Variants in SEMA6A observed in about 807,000 individuals in gnomAD.
SEMA6A encodes semaphorin-6A.
A neutral mutation model predicts 96.8 loss-of-function variants in SEMA6A; 25 were observed. The observed-to-expected ratio is 0.26, with a 90% CI of 0.19 to 0.36. The LOEUF is 0.36. SEMA6A is among the 10% of genes least tolerant of loss of function. The pLI is 1.00. For missense variants in SEMA6A, 1,363 were observed against 1,323.1 expected (o/e 1.03, Z -0.47); for synonymous variants, 612 against 518.0 (o/e 1.18, Z -2.46).
intron 6 of SEMA6A, among the ~76,000 whole-genome samples, chr5:116,492,742 G>GA (rs938874270): frequency 1.3e-5 from 2 of 152,186 alleles, no homozygotes; most frequent in African/African-American, 2.4e-5. Context: ...GGCAGATACT[G>GA]AAAATTTGTC....
rs543026897 is a variant in SEMA6A at position 116,503,369 on chromosome 5, A to G, written c.101-1042T>C. 5.3e-5 allele frequency among the ~76,000 whole-genome samples: 8 copies of G among 152,238 alleles called. No homozygotes were observed. In the South Asian group the frequency reaches 1.0e-3, roughly 20 times the overall value. On this transcript the variant is annotated intron_variant, in intron 2 of 18. Coordinates refer to ENST00000343348, the MANE Select transcript of SEMA6A (RefSeq NM_020796.5). ...TTACAAGGGAGCTTGGTATAAGACA[A>G]TCTTGTGCTTTCCCTTCCACTGCTT...
At chr5:116,472,893 G>C (rs1756236959) in intron 17 of SEMA6A, 180 bp downstream of exon 17, 2 of 1,510,696 alleles carry the variant, frequency 1.3e-6, no homozygotes, top group Non-Finnish European at 1.8e-6. Context: ...ACCATACACT[G>C]TGTTGTAAGA....
chr5:116,497,207 C>T, intron 4 of SEMA6A, 120 bp downstream of exon 4: 1 of 604,238 alleles, frequency 1.7e-6, no homozygotes, highest in Non-Finnish European at 2.9e-6. Flanking sequence ...TCACAAAATG[C>T]ATGTTGGCAT....
chr5:116,480,769 G>A (rs1007837716), intron 11 of SEMA6A, among the ~76,000 whole-genome samples: 4 of 152,102 alleles, frequency 2.6e-5, no homozygotes, highest in Non-Finnish European at 4.4e-5. Context: ...TCATTACCTG[G>A]GGCTCGCTCA....
At chr5:116,555,105 C>T (rs1454093457) in intron 1 of SEMA6A, among the ~76,000 whole-genome samples, 1 of 152,198 alleles carries the variant, frequency 6.6e-6, no homozygotes, top group Non-Finnish European at 1.5e-5. Flanking sequence ...CATTATCCAG[C>T]TCCAGAGACA....
At chr5:116,478,235 C>A in intron 13 of SEMA6A, 81 bp from the exon 14 acceptor site, 1 of 1,497,678 alleles carries the variant, frequency 6.7e-7, no homozygotes, top group Non-Finnish European at 9.1e-7. Context: ...ACTTCCCAGC[C>A]CACAAGGCAA....
intron 1 of SEMA6A, among the ~76,000 whole-genome samples, chr5:116,539,158 T>A (rs1274478169): frequency 2.0e-5 from 3 of 152,178 alleles, no homozygotes; most frequent in African/African-American, 7.2e-5. Context: ...TAGACAATAT[T>A]TATTTCTTTG....
chr5:116,563,655 C>T (rs574949705), intron 1 of SEMA6A, among the ~76,000 whole-genome samples: 3 of 152,258 alleles, frequency 2.0e-5, no homozygotes, highest in South Asian at 2.1e-4. Context: ...GTGTCTAACC[C>T]GACACCCAAG....
intron 17 of SEMA6A, chr5:116,472,704 A>C: frequency 1.9e-6 from 1 of 515,706 alleles, no homozygotes; most frequent in Non-Finnish European, 3.3e-6. Flanking sequence ...TCCCACATCA[A>C]TTGTCTCACA....
chr5:116,445,117 G>A lies in SEMA6A; in HGVS notation c.*1496C>T, dbSNP rs969451748. 2 of 152,656 alleles carry A rather than the reference G, an allele frequency of 1.3e-5. No individual in the cohort carries two copies. The highest frequency in any genetic ancestry group is 1.3e-4 in the Admixed American group (2 of 15,282). 9.5% of individuals were successfully genotyped at this position (152,656 alleles called of 1,614,324 possible). ...ATTGGAGGGTGTGGTGCTGCCCAGC[G>A]TTCTCAGGCTGTCGCATGACAACTA... On this transcript the variant is annotated 3_prime_UTR_variant, in exon 19 of 19. Transcript: ENST00000343348.
chr5:116,467,918 G>A (rs1488813805), intron 17 of SEMA6A, 171 bp from the exon 18 acceptor site: 42 of 641,998 alleles, frequency 6.5e-5, no homozygotes, highest in Non-Finnish European at 9.3e-5. Flanking sequence ...TGGTGGTGTG[G>A]GGTGTGTTCA....
chr5:116,468,597 C>T (rs1285534080), intron 17 of SEMA6A: 2 of 152,322 alleles, frequency 1.3e-5, no homozygotes, highest in Non-Finnish European at 2.9e-5. Context: ...CTAGCCATTT[C>T]CTGTGAATTC....
chr5:116,451,900 A>AAAAG (rs1491285416), intron 18 of SEMA6A, among the ~76,000 whole-genome samples: 2 of 152,204 alleles, frequency 1.3e-5, no homozygotes, highest in African/African-American at 4.8e-5. Context: ...GGAAAAATCC[A>AAAAG]AAAGAGTCGA....
Position 116,446,853 on chromosome 5 carries a change from C to T in SEMA6A, c.2853G>A (p.Gln951=). 1 of 1,613,968 alleles carries T rather than the reference C, an allele frequency of 6.2e-7. No homozygotes were observed. Among genetic ancestry groups the T allele is most frequent in the Non-Finnish European group, 8.5e-7 (1 of 1,179,878 alleles). The change falls in exon 19 of 19, where the codon CAG becomes CAA. Residue 951 remains glutamine (Q), a synonymous_variant. Coordinates refer to ENST00000343348, the MANE Select transcript of SEMA6A (RefSeq NM_020796.5). ...SSNSSHLSRN[Q]SFGRGDNPPP... ...GCGGGTTGTCTCCCCTGCCAAAGCTCTGGTTTCTGGAGAGGTGAGAGGAAT... is the reference window on the plus strand; with the variant it reads ...GCGGGTTGTCTCCCCTGCCAAAGCTTTGGTTTCTGGAGAGGTGAGAGGAAT...
chr5:116,455,477 G>A (rs1016003740), intron 18 of SEMA6A, among the ~76,000 whole-genome samples: 23 of 152,260 alleles, frequency 1.5e-4, no homozygotes, highest in African/African-American at 5.1e-4. Context: ...CAACATCTAA[G>A]TGATTTCTAA....
rs1461792057 is a variant in SEMA6A, at chr5:116,451,757, T to TTCTA, written c.1895-3950_1895-3947dup. 8.5e-5 allele frequency among the ~76,000 whole-genome samples: 5 copies of TTCTA among 58,562 alleles called. No individual in the cohort carries two copies. In the South Asian group the frequency reaches 3.0e-3, roughly 35 times the overall value. 38.4% of individuals were successfully genotyped at this position (58,562 alleles called of 152,430 possible). ...TTGCTTTTGAAGTCATGGAAATAAA[T>TTCTA]TCTATCTCCAATCATATAAAAGAAT... On this transcript the variant is annotated intron_variant, in intron 18 of 18. Coordinates refer to ENST00000343348, the MANE Select transcript of SEMA6A (RefSeq NM_020796.5).
chr5:116,494,085 TTATC>T (rs1757461712), intron 6 of SEMA6A, among the ~76,000 whole-genome samples: 1 of 152,210 alleles, frequency 6.6e-6, no homozygotes, highest in African/African-American at 2.4e-5. Context: ...TATCCTGTGC[TTATC>T]TATTATTAAA....
intron 12 of SEMA6A, among the ~76,000 whole-genome samples, chr5:116,479,412 T>C (rs1411813355): frequency 6.6e-6 from 1 of 152,250 alleles, no homozygotes; most frequent in Non-Finnish European, 1.5e-5. Flanking sequence ...CTGCAAGTTA[T>C]ATACCATGGT....
chr5:116,478,494 A>G (rs1452168815), intron 13 of SEMA6A, 48 bp downstream of exon 13: 8 of 1,519,008 alleles, frequency 5.3e-6, no homozygotes, highest in African/African-American at 2.8e-5. Flanking sequence ...AAGGGGCCAT[A>G]ATAGCATAAC....
Sources: gnomAD v4.1 joint callset for allele counts (sites outside exome capture counted in the v4.1 genomes callset) on GRCh38, gnomAD v4.1.1 for gene constraint, MANE v1.5 for transcripts, NCBI Gene and HGNC (gene_info 2026-07-23, HGNC 2026-07-21) for gene names.